The following KLHL8 variants were observed in gnomAD, a reference collection of about 807,000 sequenced individuals.
KLHL8 encodes the protein kelch-like protein 8.
A neutral mutation model predicts 63.5 loss-of-function variants in KLHL8; 38 were observed. The ratio of observed to expected loss-of-function variants is 0.60; its 90% CI spans 0.46 to 0.78. The LOEUF (loss-of-function observed/expected upper bound fraction) is 0.78, where lower values mean the gene tolerates loss of function less well. Among genes scored for constraint, KLHL8 ranks in the 30% least tolerant of loss-of-function variants. The pLI is 0.00. For missense variants in KLHL8, 566 were observed against 752.4 expected, an observed-to-expected ratio of 0.75 and a Z score of 2.90; for synonymous variants, 224 against 254.3, an observed-to-expected ratio of 0.88 and a Z score of 1.13.
intron 1 of KLHL8, among the ~76,000 whole-genome samples, chr4:87,227,868 G>A (rs1054543784): frequency 1.3e-5 from 2 of 152,122 alleles, no homozygotes; most frequent in African/African-American, 2.4e-5. Flanking sequence ...AGCATACAGA[G>A]GTGCATGTGT....
rs372877331 is a variant in KLHL8 at position 87,216,086 on chromosome 4, C to T, written c.-152+4332G>A. Among the ~76,000 whole-genome samples, 24 of 152,260 alleles carry T rather than the reference C, an allele frequency of 1.6e-4. No individual in the cohort carries two copies. The East Asian group carries it at 1.7e-3, about 11-fold the overall frequency. On this transcript the variant is annotated intron_variant, in intron 1 of 9. Transcript: ENST00000273963. ...ATCTTTTGGCATTTTAAATAATATT[C>T]TGACATGCTGGATTGTATTAAAGTC... is the stretch of plus-strand genomic sequence containing the variant.
chr4:87,231,973 CATAA>C (rs1180285325), intron 1 of KLHL8, among the ~76,000 whole-genome samples: 1 of 152,198 alleles, frequency 6.6e-6, no homozygotes, highest in African/African-American at 2.4e-5. Flanking sequence ...ATGAATCTAA[CATAA>C]ACATACCACA....
At chr4:87,230,822 C>A (rs1733123615) in intron 1 of KLHL8, among the ~76,000 whole-genome samples, 1 of 152,214 alleles carries the variant, frequency 6.6e-6, no homozygotes, top group Non-Finnish European at 1.5e-5. Context: ...GACAGGCTTA[C>A]ACCTTCACAT....
chr4:87,191,412 T>A (rs534094706), intron 2 of KLHL8, among the ~76,000 whole-genome samples: 1 of 152,056 alleles, frequency 6.6e-6, no homozygotes, highest in Non-Finnish European at 1.5e-5. Flanking sequence ...CCATGACCCA[T>A]GACTGCATCA....
chr4:87,239,398 A>G (rs1733290316), intron 1 of KLHL8, among the ~76,000 whole-genome samples: 1 of 152,212 alleles, frequency 6.6e-6, no homozygotes, highest in Admixed American at 6.5e-5. Flanking sequence ...ACTCCATCTG[A>G]TGTGTAATAC....
At chr4:87,207,954 G>A (rs1472194465) in intron 1 of KLHL8, 15 of 828,978 alleles carry the variant, frequency 1.8e-5, no homozygotes, top group Non-Finnish European at 2.7e-5. Flanking sequence ...ACAGCAACAC[G>A]CACTCTTCCA....
intron 1 of KLHL8, chr4:87,207,196 C>A: frequency 1.8e-6 from 1 of 571,134 alleles, no homozygotes; most frequent in South Asian, 1.5e-5. Context: ...ATGACCGCTT[C>A]ATTGACCTCA....
chr4:87,196,217 T>C (rs1731693337), intron 1 of KLHL8, among the ~76,000 whole-genome samples: 1 of 152,124 alleles, frequency 6.6e-6, no homozygotes. Flanking sequence ...CTAAAGATTT[T>C]TTCATCCAAG....
chr4:87,232,455 A>G (rs956901311), intron 1 of KLHL8, among the ~76,000 whole-genome samples: 3 of 152,192 alleles, frequency 2.0e-5, no homozygotes, highest in Non-Finnish European at 2.9e-5. Flanking sequence ...ATTACTTCCA[A>G]GTTTTTTCAA....
At chr4:87,213,991 TTA>T (rs1732498403) in intron 1 of KLHL8, among the ~76,000 whole-genome samples, 1 of 152,132 alleles carries the variant, frequency 6.6e-6, no homozygotes, top group Non-Finnish European at 1.5e-5. Context: ...GTGAAGTAAT[TTA>T]TATAAAGTAT....
intron 9 of KLHL8, 78 bp from the exon 10 acceptor site, chr4:87,163,720 C>G (rs1730264879): frequency 1.3e-6 from 2 of 1,581,274 alleles, no homozygotes; most frequent in Non-Finnish European, 1.7e-6. Context: ...CAAAAATTCC[C>G]TATGTGAGAC....
Position 87,185,375 on chromosome 4 carries a change from T to C in KLHL8, c.641A>G (p.His214Arg), listed in dbSNP as rs767856000. 1.2e-6 allele frequency: 2 copies of C among 1,614,202 alleles called. No individual in the cohort carries two copies. Among genetic ancestry groups the C allele is most frequent in the Non-Finnish European group, 8.5e-7 (1 of 1,180,028 alleles). ...DFVSVSPQHL[H>R]KLLSSSDLNI... ...TAGATCACTGGAGGACAAAAGCTTA[T>C]GGAGGTGCTGCGGTGATACACTTAC... Residue 214 changes from histidine (H) to arginine (R), a missense_variant, in exon 3 of 10, where the codon CAT (histidine) becomes CGT (arginine). Transcript: ENST00000273963.
At chr4:87,226,631 AC>A (rs1462515125) in intron 1 of KLHL8, among the ~76,000 whole-genome samples, 1 of 74,490 alleles carries the variant, frequency 1.3e-5, no homozygotes, top group Non-Finnish European at 2.5e-5. Context: ...AATATATATT[AC>A]TTATATAAAT....
chr4:87,227,960 A>C (rs1733063949), intron 1 of KLHL8, among the ~76,000 whole-genome samples: 1 of 152,246 alleles, frequency 6.6e-6, no homozygotes, highest in South Asian at 2.1e-4. Flanking sequence ...TGAGGAGGGT[A>C]GGAGGCTGGA....
rs1560699991 is a variant in KLHL8, at chr4:87,185,506, C to CA, written c.509dup (p.Ala171GlyfsTer24). 6.2e-7 allele frequency: 1 copy of CA among 1,614,176 alleles called. No homozygotes were observed. The highest frequency in any genetic ancestry group is 1.7e-5 in the Admixed American group (1 of 60,018). On this transcript the variant is annotated frameshift_variant, in exon 3 of 10. Coordinates refer to ENST00000273963, the MANE Select transcript of KLHL8 (RefSeq NM_020803.5). LOFTEE classifies it high-confidence loss of function. ...GACTTTCTGCAAAGGCTCTTACTGC[C>CA]AGGCAATTGGAGGGATGAAAATGTA...
At chr4:87,192,705 C>A (rs748568120) in intron 2 of KLHL8, among the ~76,000 whole-genome samples, 8 of 151,844 alleles carry the variant, frequency 5.3e-5, no homozygotes, top group Non-Finnish European at 1.2e-4. Flanking sequence ...GCAAATATCA[C>A]AGAATGTACT....
chr4:87,172,044 T>C (rs1233944087), intron 6 of KLHL8, among the ~76,000 whole-genome samples: 2 of 152,164 alleles, frequency 1.3e-5, no homozygotes, highest in Admixed American at 1.3e-4. Flanking sequence ...CATCCCCTGG[T>C]GTTACTCTCA....
At chr4:87,227,126 T>C (rs1167264763) in intron 1 of KLHL8, among the ~76,000 whole-genome samples, 3 of 149,432 alleles carry the variant, frequency 2.0e-5, no homozygotes, top group African/African-American at 7.4e-5. Flanking sequence ...CAGACCCTAC[T>C]AGCTGCTTAA....
At position 87,163,301 on chromosome 4, in the gene KLHL8, C is replaced by A. The variant is rs572176514; in HGVS notation, c.*218G>T. 2.5e-6 allele frequency: 1 copy of A among 392,456 alleles called. No homozygotes were observed. The highest frequency in any genetic ancestry group is 2.1e-5 in the African/African-American group (1 of 48,264). 24.3% of individuals were successfully genotyped at this position (392,456 alleles called of 1,614,324 possible). On this transcript the variant is annotated 3_prime_UTR_variant, in exon 10 of 10. Transcript: ENST00000273963. Reference sequence around the variant, plus strand: ...TTAAGTTCGACTATCTTCTTCCCTACTCCATTATTTGCAAAAGCAGGAAGT... The same window carrying A: ...TTAAGTTCGACTATCTTCTTCCCTAATCCATTATTTGCAAAAGCAGGAAGT...
Sources: allele counts gnomAD v4.1 joint callset (sites outside exome capture counted in the v4.1 genomes callset), GRCh38; gene constraint gnomAD v4.1.1; transcripts MANE v1.5; gene names NCBI Gene and HGNC (gene_info 2026-07-23, HGNC 2026-07-21).